NTN1: variants seen among roughly 807,000 people sequenced by gnomAD.
The protein encoded by NTN1 is netrin-1.
Under a neutral mutation model 54.2 loss-of-function variants are expected in NTN1, and 11 were observed. The ratio of observed to expected loss-of-function variants is 0.20; its 90% CI spans 0.13 to 0.34. The LOEUF (loss-of-function observed/expected upper bound fraction) is 0.34. NTN1 is among the 10% of genes least tolerant of loss of function. NTN1 has a pLI of 1.00. For synonymous variants in NTN1, 371 were observed against 382.0 expected (o/e 0.97, Z 0.33); for missense variants, 740 against 893.1 (o/e 0.83, Z 2.18).
chr17:9,180,002 G>T (rs757834202), intron 4 of NTN1, 46 bp downstream of exon 4: 2 of 1,579,836 alleles, frequency 1.3e-6, no homozygotes, highest in Non-Finnish European at 1.7e-6. Context: ...CTTTGTGGGG[G>T]ACAGTGAGCT....
At chr17:9,188,535 T>C (rs565614029) in intron 5 of NTN1, among the ~76,000 whole-genome samples, 102 of 137,478 alleles carry the variant, frequency 7.4e-4, no homozygotes, top group African/African-American at 2.6e-3. Context: ...GTGAAGTGAG[T>C]CTGATTTGTC....
chr17:9,216,603 A>G (rs992101101), intron 5 of NTN1, among the ~76,000 whole-genome samples: 3 of 152,168 alleles, frequency 2.0e-5, no homozygotes, highest in African/African-American at 7.2e-5. Flanking sequence ...AGATTTAAGG[A>G]GGATGGCCAG....
chr17:9,113,019 A>ATTTTTTTTTTTTTT (rs398058563), intron 2 of NTN1, among the ~76,000 whole-genome samples: 1 of 141,938 alleles, frequency 7.0e-6, no homozygotes, highest in Non-Finnish European at 1.5e-5. Context: ...TGTATACAGA[A>ATTTTTTTTTTTTTT]TTTTTTTTAT....
chr17:9,050,664 A>G (rs1488035744), intron 2 of NTN1, among the ~76,000 whole-genome samples: 2 of 117,830 alleles, frequency 1.7e-5, no homozygotes, highest in Admixed American at 1.7e-4. Flanking sequence ...GCGAGACTCC[A>G]TCTCAAAAAA....
chr17:9,110,617 G>A (rs1400688688), intron 2 of NTN1, among the ~76,000 whole-genome samples: 1 of 152,094 alleles, frequency 6.6e-6, no homozygotes, highest in African/African-American at 2.4e-5. Context: ...TCCTAGGGCC[G>A]TTCTAACGAG....
chr17:9,059,665 G>T (rs1409519044), intron 2 of NTN1, among the ~76,000 whole-genome samples: 2 of 152,190 alleles, frequency 1.3e-5, no homozygotes, highest in Admixed American at 6.5e-5. Context: ...GGGGAAATGG[G>T]GAGTGACTGC....
chr17:9,143,429 T>C (rs886336175), intron 2 of NTN1, among the ~76,000 whole-genome samples: 1 of 152,216 alleles, frequency 6.6e-6, no homozygotes, highest in Non-Finnish European at 1.5e-5. Flanking sequence ...AGGGGAATAT[T>C]GAGGCAGGCC....
chr17:9,113,515 A>G (rs879846593), intron 2 of NTN1, among the ~76,000 whole-genome samples: 3 of 152,180 alleles, frequency 2.0e-5, no homozygotes, highest in Middle Eastern at 3.2e-3. Context: ...CATCAACTGT[A>G]TCTGAAGGAG....
intron 2 of NTN1, among the ~76,000 whole-genome samples, chr17:9,050,119 C>T (rs574188585): frequency 4.4e-4 from 67 of 151,564 alleles, no homozygotes; most frequent in South Asian, 1.7e-3. Flanking sequence ...TGGTGGTGGA[C>T]GCCTGTAGTC....
chr17:9,082,712 CT>C (rs574255075), intron 2 of NTN1, among the ~76,000 whole-genome samples: 46 of 141,098 alleles, frequency 3.3e-4, no homozygotes, highest in Admixed American at 3.5e-4. Context: ...AGTTTCTCGC[CT>C]TTTTTTTTTT....
intron 2 of NTN1, among the ~76,000 whole-genome samples, chr17:9,045,547 G>A (rs964936369): frequency 6.6e-6 from 1 of 152,150 alleles, no homozygotes; most frequent in South Asian, 2.1e-4. Context: ...GAAGAAAGAT[G>A]GGATGCTAAA....
At chr17:9,180,740 A>G (rs1792178632) in intron 4 of NTN1, among the ~76,000 whole-genome samples, 2 of 152,202 alleles carry the variant, frequency 1.3e-5, no homozygotes, top group African/African-American at 4.8e-5. Flanking sequence ...ATGAAGGATG[A>G]TAGCAACCCT....
chr17:9,024,315 G>C (rs780180260), intron 2 of NTN1, among the ~76,000 whole-genome samples: 11 of 152,186 alleles, frequency 7.2e-5, no homozygotes, highest in Admixed American at 1.3e-4. Context: ...AAGAAAAAAA[G>C]GGTGAGGGGA....
chr17:9,117,906 A>G (rs2092219645), intron 2 of NTN1, among the ~76,000 whole-genome samples: 1 of 152,054 alleles, frequency 6.6e-6, no homozygotes, highest in South Asian at 2.1e-4. Flanking sequence ...GAGAGGTACC[A>G]TCTGCCACCT....
chr17:9,008,423 A>G, the NTN1 span, among the ~76,000 whole-genome samples: 1 of 152,058 alleles, frequency 6.6e-6, no homozygotes, highest in Non-Finnish European at 1.5e-5. Context: ...GGTTCAAGTG[A>G]TTCTCCTGCC....
intron 2 of NTN1, among the ~76,000 whole-genome samples, chr17:9,140,302 C>G (rs773243823): frequency 2.0e-5 from 3 of 152,188 alleles, no homozygotes; most frequent in Non-Finnish European, 4.4e-5. Context: ...AATGGTGTTA[C>G]CTGCAGTGCA....
At chr17:9,010,296 G>T in the NTN1 span, among the ~76,000 whole-genome samples, 1 of 152,184 alleles carries the variant, frequency 6.6e-6, no homozygotes, top group South Asian at 2.1e-4. Flanking sequence ...TGCCCAGGAG[G>T]CTATTCACTT....
chr17:9,092,419 C>T (rs2092114568), intron 2 of NTN1, among the ~76,000 whole-genome samples: 1 of 145,574 alleles, frequency 6.9e-6, no homozygotes, highest in South Asian at 2.2e-4. Flanking sequence ...TCCCGAGTAG[C>T]TGGTATTATA....
the NTN1 span, among the ~76,000 whole-genome samples, chr17:9,004,202 G>A: frequency 6.6e-6 from 1 of 152,254 alleles, no homozygotes. Context: ...CCAAAGAGGA[G>A]GGCCCGCGGC....
Sources: allele counts gnomAD v4.1 joint callset (sites outside exome capture counted in the v4.1 genomes callset), GRCh38; gene constraint gnomAD v4.1.1; transcripts MANE v1.5; gene names NCBI Gene and HGNC (gene_info 2026-07-23, HGNC 2026-07-21).